The following PRKD2 variants were observed in gnomAD, a reference collection of about 807,000 sequenced individuals.
PRKD2 encodes the protein serine/threonine-protein kinase D2.
Under a neutral mutation model 86.0 loss-of-function variants are expected in PRKD2, and 22 were observed. The ratio of observed to expected loss-of-function variants is 0.26; its 90% confidence interval spans 0.18 to 0.37. PRKD2 has a LOEUF of 0.37. PRKD2 is among the 10% of genes least tolerant of loss of function. The pLI is 1.00. For missense variants in PRKD2, 818 were observed against 1,199.2 expected (o/e 0.68, Z 4.70); for synonymous variants, 509 against 510.9 (o/e 1.00, Z 0.05).
Position 46,714,181 on chromosome 19 carries a change from G to A in PRKD2, c.241-180C>T. The A allele has an allele frequency of 3.8e-6, 5 of 1,332,514 alleles. No individual in the cohort carries two copies. In the South Asian group the frequency reaches 7.8e-5, roughly 21 times the overall value. The allele number at this position is 1,332,514 out of a possible 1,614,324, so 82.5% of individuals were successfully genotyped here. ...AGCGCGAGCCGGGCAGGATGCCAGCGCCCCAATTGTACGGGGAGGGGGCGC... is the reference window on the plus strand; with the variant it reads ...AGCGCGAGCCGGGCAGGATGCCAGCACCCCAATTGTACGGGGAGGGGGCGC... On this transcript the variant is annotated intron_variant, in intron 1 of 17. Transcript: ENST00000291281.
intron 7 of PRKD2, among the ~76,000 whole-genome samples, chr19:46,699,071 T>C (rs1056739070): frequency 6.6e-6 from 1 of 152,186 alleles, no homozygotes; most frequent in Admixed American, 6.5e-5. Context: ...ACCCATCCCC[T>C]TTCTGTCCAA....
At position 46,674,433 on chromosome 19, in the gene PRKD2, G is replaced by A; in HGVS notation, c.*90C>T. 1 of 1,399,428 alleles carries A rather than the reference G, an allele frequency of 7.1e-7. No individual in the cohort carries two copies. Among genetic ancestry groups the A allele is most frequent in the Non-Finnish European group, 9.6e-7 (1 of 1,041,728 alleles). 86.7% of individuals were successfully genotyped at this position (1,399,428 alleles called of 1,614,324 possible). On this transcript the variant is annotated 3_prime_UTR_variant, in exon 18 of 18. Transcript: ENST00000291281. ...TCCCCACGTGTCCCATCCAGTTTGG[G>A]CAGGAAGCCACTTTCCCTAGAACAG...
At chr19:46,681,783 G>A in intron 14 of PRKD2, 35 bp from the exon 15 acceptor site, 1 of 1,410,092 alleles carries the variant, frequency 7.1e-7, no homozygotes. Context: ...AAGAAAGGTA[G>A]ATAGGTACTC....
Position 46,716,384 on chromosome 19 carries a change from G to A in PRKD2, c.-14C>T. 2 of 1,387,332 alleles carry A rather than the reference G, an allele frequency of 1.4e-6. No individual in the cohort carries two copies. The highest frequency in any genetic ancestry group is 1.9e-6 in the Non-Finnish European group (2 of 1,069,580). The allele number at this position is 1,387,332 out of a possible 1,614,324, so 85.9% of individuals were successfully genotyped here. ...GGCGGTGGCCATGGGGGGAGGCCGG[G>A]GACCGGCCGCCTGGAGCCCACCCGG... On this transcript the variant is annotated 5_prime_UTR_variant, in exon 1 of 18. Transcript: ENST00000291281. The surrounding 1 kb of genome is among the most constrained non-coding windows in gnomAD (Gnocchi z 7.9).
chr19:46,691,677 C>G, intron 12 of PRKD2, 58 bp downstream of exon 12: 2 of 1,542,078 alleles, frequency 1.3e-6, no homozygotes, highest in Non-Finnish European at 1.8e-6. Context: ...AGGGCTGGAG[C>G]CACAGCAGCT....
chr19:46,701,495 C>T (rs1309742844), intron 5 of PRKD2, among the ~76,000 whole-genome samples: 3 of 151,564 alleles, frequency 2.0e-5, no homozygotes, highest in South Asian at 2.1e-4. Flanking sequence ...GGACTACAGG[C>T]GCCCACTACC....
At position 46,678,271 on chromosome 19, in the gene PRKD2, A is replaced by C. The variant is rs1232672726; in HGVS notation, c.2338+125T>G. 1 of 1,421,762 alleles carries C rather than the reference A, an allele frequency of 7.0e-7. No homozygotes were observed. The allele number at this position is 1,421,762 out of a possible 1,614,324, so 88.1% of individuals were successfully genotyped here. A position where few individuals can be genotyped will look rare whatever the true frequency, so the allele number is the denominator to read the frequency against. On this transcript the variant is annotated intron_variant, in intron 16 of 17. Transcript: ENST00000291281. The surrounding 1 kb of genome is among the most constrained non-coding windows in gnomAD (Gnocchi z 5.7). ...CACATCCCTCCAGTAGGCCCGCCCC[A>C]GCACTGGGCTCCACCCCCAAGGTGC...
chr19:46,674,935 G>T, intron 17 of PRKD2, 98 bp downstream of exon 17: 1 of 1,311,808 alleles, frequency 7.6e-7, no homozygotes. Flanking sequence ...CAGACCCAAG[G>T]AAACCTACAT....
intron 2 of PRKD2, among the ~76,000 whole-genome samples, chr19:46,712,817 T>G (rs2053827443): frequency 6.6e-6 from 1 of 152,176 alleles, no homozygotes; most frequent in Non-Finnish European, 1.5e-5. Context: ...CATAGACTGC[T>G]CTAAGGTGCT....
At chr19:46,714,183 C>T in intron 1 of PRKD2, 182 bp from the exon 2 acceptor site, 1 of 1,330,786 alleles carries the variant, frequency 7.5e-7, no homozygotes, top group Non-Finnish European at 9.6e-7. Context: ...ATGCCAGCGC[C>T]CCAATTGTAC....
intron 14 of PRKD2, among the ~76,000 whole-genome samples, chr19:46,682,862 A>G (rs971668465): frequency 6.6e-6 from 1 of 150,604 alleles, no homozygotes; most frequent in South Asian, 2.1e-4. Flanking sequence ...ACACCATCAC[A>G]CCTGACTAAT....
At chr19:46,710,765 T>G in intron 3 of PRKD2, 142 bp downstream of exon 3, 1 of 964,310 alleles carries the variant, frequency 1.0e-6, no homozygotes, top group Non-Finnish European at 1.5e-6. Context: ...CCATCCTTCT[T>G]CCCATTATTA....
At chr19:46,697,915 A>G in intron 7 of PRKD2, 65 bp from the exon 8 acceptor site, 1 of 1,290,052 alleles carries the variant, frequency 7.8e-7, no homozygotes, top group Middle Eastern at 1.9e-4. Flanking sequence ...TTGGGAATGC[A>G]GGGGGCATCT....
At chr19:46,711,315 C>G (rs542941785) in intron 2 of PRKD2, among the ~76,000 whole-genome samples, 229 of 152,346 alleles carry the variant, frequency 1.5e-3, no homozygotes, top group African/African-American at 5.3e-3. Context: ...GACAACAGTT[C>G]TGGAGACCGG....
intron 2 of PRKD2, among the ~76,000 whole-genome samples, chr19:46,712,306 T>C (rs1214844477): frequency 2.0e-5 from 3 of 149,902 alleles, no homozygotes; most frequent in Admixed American, 6.7e-5. Context: ...TTTGGGAGGC[T>C]GAGGTGGGCA....
intron 9 of PRKD2, among the ~76,000 whole-genome samples, chr19:46,694,656 G>A (rs1233066542): frequency 6.6e-6 from 1 of 152,162 alleles, no homozygotes; most frequent in African/African-American, 2.4e-5. Context: ...GACCAGAAAG[G>A]TAAGAAGCAG....
chr19:46,693,982 C>G lies in PRKD2; in HGVS notation c.1469G>C (p.Ser490Thr), dbSNP rs1423810249. ...CCGGGCGGCCTCAGCCCCCTGCCCA[C>G]TTGGCCCACCCGGAGTCCCGCCAGG... The part of the protein sequence containing the change: ...EMPGGTPGGP[S>T]GQGAEAARGW... Residue 490 changes from serine to threonine, a missense_variant, in exon 10 of 18, where the codon AGT (serine) becomes ACT (threonine). Ser to Thr is a moderately conservative substitution (Grantham distance 58). Coordinates refer to ENST00000291281, the MANE Select transcript of PRKD2 (RefSeq NM_016457.5). The surrounding 1 kb of genome is among the most constrained non-coding windows in gnomAD (Gnocchi z 4.5). The G allele has an allele frequency of 6.2e-7, 1 of 1,613,406 alleles. No homozygotes were observed. The highest frequency in any genetic ancestry group is 1.3e-5 in the African/African-American group (1 of 75,062).
At chr19:46,687,544 A>G (rs1282207836) in intron 14 of PRKD2, among the ~76,000 whole-genome samples, 2 of 152,216 alleles carry the variant, frequency 1.3e-5, no homozygotes, top group African/African-American at 4.8e-5. Flanking sequence ...TCTGACCCTC[A>G]GTTTCTTCAA....
chr19:46,713,388 C>G (rs2053836409), intron 2 of PRKD2, among the ~76,000 whole-genome samples: 1 of 151,870 alleles, frequency 6.6e-6, no homozygotes, highest in African/African-American at 2.4e-5. Flanking sequence ...CCTTCTTCTC[C>G]TCTTTTCCCC....
Sources: allele counts gnomAD v4.1 joint callset (sites outside exome capture counted in the v4.1 genomes callset), GRCh38; gene constraint gnomAD v4.1.1; non-coding constraint Gnocchi (gnomAD v3.1); transcripts MANE v1.5; gene names NCBI Gene and HGNC (gene_info 2026-07-23, HGNC 2026-07-21).